Variants in CCDC102B observed in about 807,000 individuals in gnomAD.
The protein encoded by CCDC102B is coiled-coil domain containing 102B, also known as coiled-coil domain-containing protein 102B.
Under a neutral mutation model 57.4 loss-of-function variants are expected in CCDC102B, and 75 were observed. That is an observed-to-expected ratio of 1.31 (90% confidence interval 1.08 to 1.58). The LOEUF (loss-of-function observed/expected upper bound fraction) is 1.58. Ranked by LOEUF, CCDC102B falls within the 40% of genes most tolerant of loss-of-function variation. The pLI is 0.00. For synonymous variants in CCDC102B, 206 were observed against 201.9 expected (o/e 1.02, Z -0.17); for missense variants, 636 against 582.6 (o/e 1.09, Z -0.94).
intron 5 of CCDC102B, among the ~76,000 whole-genome samples, chr18:68,889,446 T>C (rs1433305830): frequency 6.6e-6 from 1 of 152,060 alleles, no homozygotes; most frequent in East Asian, 1.9e-4. Flanking sequence ...TGAGATGGAG[T>C]TTCGCTCTTG....
In CCDC102B at chr18:68,982,527, C is replaced by T. The variant is rs375896596; in HGVS notation, c.1264-28407C>T. Among the ~76,000 whole-genome samples, 20 of 152,034 alleles carry T rather than the reference C, an allele frequency of 1.3e-4. No homozygotes were observed. The South Asian group carries it at 4.1e-3, about 32-fold the overall frequency. Reference sequence around the variant, plus strand: ...TCTTCCCCCACTCTATAACAAGGCACTCTGATTTGGATTGCATAGCCCTTG... The same window carrying T: ...TCTTCCCCCACTCTATAACAAGGCATTCTGATTTGGATTGCATAGCCCTTG... On this transcript the variant is annotated intron_variant, in intron 6 of 7. Coordinates refer to ENST00000360242, the MANE Select transcript of CCDC102B (RefSeq NM_024781.3).
At chr18:69,048,522 A>G (rs79823275) in intron 7 of CCDC102B, among the ~76,000 whole-genome samples, 2,093 of 152,234 alleles carry the variant, frequency 0.014, 34 homozygotes, top group East Asian at 0.079. Flanking sequence ...TGCCATCTCT[A>G]TGAATTAGGA....
intron 1 of CCDC102B, among the ~76,000 whole-genome samples, chr18:68,819,307 A>G (rs1158162155): frequency 6.6e-6 from 1 of 152,056 alleles, no homozygotes; most frequent in Non-Finnish European, 1.5e-5. Context: ...TTAGTTCCAT[A>G]TGGACATGAT....
At chr18:68,991,384 T>A (rs1357212417) in intron 6 of CCDC102B, among the ~76,000 whole-genome samples, 2 of 152,196 alleles carry the variant, frequency 1.3e-5, no homozygotes, top group African/African-American at 4.8e-5. Flanking sequence ...CCCTGAACAT[T>A]TGTAACTTGT....
intron 2 of CCDC102B, among the ~76,000 whole-genome samples, chr18:68,761,070 C>A (rs1048431401): frequency 6.6e-6 from 1 of 151,986 alleles, no homozygotes; most frequent in African/African-American, 2.4e-5. Flanking sequence ...AGGGAGTACA[C>A]CCTTCTATGG....
chr18:69,009,923 G>GTTTTTTTTTTT (rs2051457244), intron 6 of CCDC102B, among the ~76,000 whole-genome samples: 1 of 38,480 alleles, frequency 2.6e-5, no homozygotes, highest in Non-Finnish European at 6.8e-5. Context: ...TTTTAATAAA[G>GTTTTTTTTTTT]ATTTTTTTTT....
intron 7 of CCDC102B, among the ~76,000 whole-genome samples, chr18:69,039,250 G>A (rs1179784693): frequency 2.6e-5 from 4 of 151,946 alleles, no homozygotes; most frequent in Non-Finnish European, 4.4e-5. Context: ...CCTACTCTGT[G>A]TGCAGTTGCA....
chr18:68,810,680 G>GTTTTTTTTTTTTTT (rs61714863), intron 1 of CCDC102B, among the ~76,000 whole-genome samples: 9 of 77,046 alleles, frequency 1.2e-4, no homozygotes, highest in African/African-American at 1.5e-4. Context: ...TCTTTTCTTT[G>GTTTTTTTTTTTTTT]TTTTTTTTTT....
intron 1 of CCDC102B, among the ~76,000 whole-genome samples, chr18:68,824,632 T>G (rs79645721): frequency 0.034 from 5,233 of 152,258 alleles, 123 homozygotes; most frequent in Non-Finnish European, 0.049. Flanking sequence ...TTCAATTACA[T>G]TCCTAAAATA....
At chr18:69,041,743 C>T (rs187443583) in intron 7 of CCDC102B, among the ~76,000 whole-genome samples, 1 of 152,050 alleles carries the variant, frequency 6.6e-6, no homozygotes, top group Admixed American at 6.6e-5. Flanking sequence ...TGACCTTTTG[C>T]ATAGTGTTTC....
intron 6 of CCDC102B, among the ~76,000 whole-genome samples, chr18:68,936,965 T>G (rs1173221621): frequency 6.6e-6 from 1 of 151,944 alleles, no homozygotes. Context: ...TAGTGAATAC[T>G]GAATAAATGC....
At chr18:68,895,527 A>G (rs2040212479) in intron 5 of CCDC102B, among the ~76,000 whole-genome samples, 1 of 151,810 alleles carries the variant, frequency 6.6e-6, no homozygotes, top group Admixed American at 6.6e-5. Flanking sequence ...ATAATTATAA[A>G]GTATGTTGCA....
At chr18:68,784,839 T>G (rs2144643035) in intron 2 of CCDC102B, among the ~76,000 whole-genome samples, 1 of 152,236 alleles carries the variant, frequency 6.6e-6, no homozygotes, top group Middle Eastern at 3.4e-3. Flanking sequence ...GGTAACTTTT[T>G]TTTTTTATTA....
At chr18:69,042,367 C>G (rs2145476868) in intron 7 of CCDC102B, among the ~76,000 whole-genome samples, 1 of 152,150 alleles carries the variant, frequency 6.6e-6, no homozygotes, top group East Asian at 1.9e-4. Flanking sequence ...CTCAAAGCTG[C>G]CACTAATGTG....
At chr18:69,033,078 G>A (rs1451410218) in intron 7 of CCDC102B, among the ~76,000 whole-genome samples, 1 of 152,030 alleles carries the variant, frequency 6.6e-6, no homozygotes, top group Non-Finnish European at 1.5e-5. Context: ...ATCATATAGA[G>A]ATAAAGCATT....
intron 2 of CCDC102B, among the ~76,000 whole-genome samples, chr18:68,778,032 G>A (rs796382072): frequency 5.1e-4 from 78 of 152,222 alleles, no homozygotes; most frequent in African/African-American, 1.8e-3. Flanking sequence ...TAACAAGTGA[G>A]GTAACATTTT....
intron 7 of CCDC102B, among the ~76,000 whole-genome samples, chr18:69,033,761 G>A (rs2052211214): frequency 1.3e-5 from 2 of 151,730 alleles, no homozygotes. Context: ...TAACTTTTAA[G>A]GAACTGTCAA....
intron 2 of CCDC102B, among the ~76,000 whole-genome samples, chr18:68,783,953 T>G (rs919849208): frequency 2.6e-5 from 4 of 152,184 alleles, no homozygotes; most frequent in African/African-American, 9.6e-5. Flanking sequence ...GTTTTACTCT[T>G]TCTCAAAAGG....
At chr18:68,881,060 C>T (rs986264846) in intron 5 of CCDC102B, among the ~76,000 whole-genome samples, 3 of 152,122 alleles carry the variant, frequency 2.0e-5, no homozygotes, top group Non-Finnish European at 2.9e-5. Context: ...AATTGCTTTA[C>T]TGAAGAAATA....
Sources: allele counts gnomAD v4.1 joint callset (sites outside exome capture counted in the v4.1 genomes callset), GRCh38; gene constraint gnomAD v4.1.1; transcripts MANE v1.5; gene names NCBI Gene and HGNC (gene_info 2026-07-23, HGNC 2026-07-21).